The following DAO variants were observed in gnomAD, a reference collection of about 807,000 sequenced individuals.
DAO encodes D-amino acid oxidase.
A neutral mutation model predicts 50.1 loss-of-function variants in DAO; 51 were observed. That is an observed-to-expected ratio of 1.02 (90% CI 0.81 to 1.29). The LOEUF (loss-of-function observed/expected upper bound fraction) is 1.29. Ranked by LOEUF, DAO falls within the 50% of genes most tolerant of loss-of-function variation. The pLI is 0.00. For missense variants in DAO, 436 were observed against 439.4 expected, an observed-to-expected ratio of 0.99 and a Z score of 0.07; for synonymous variants, 160 against 166.2, an observed-to-expected ratio of 0.96 and a Z score of 0.29.
chr12:108,893,177 A>T, intron 6 of DAO, 141 bp downstream of exon 6: 1 of 737,016 alleles, frequency 1.4e-6, no homozygotes, highest in South Asian at 1.5e-5. Context: ...AGAAGCACTC[A>T]GGTATTCTGA....
At chr12:108,881,045 A>G (rs528862270) in intron 1 of DAO, among the ~76,000 whole-genome samples, 1 of 152,140 alleles carries the variant, frequency 6.6e-6, no homozygotes, top group East Asian at 1.9e-4. Flanking sequence ...TACTTCCTAG[A>G]GCAGTTGAGA....
chr12:108,899,762 C>T (rs1380277642), intron 10 of DAO: 2 of 475,714 alleles, frequency 4.2e-6, no homozygotes, highest in Non-Finnish European at 7.8e-6. Flanking sequence ...GTAGCTGGTG[C>T]TGATGGAAAT....
Position 108,880,128 on chromosome 12 carries a change from A to G in DAO, c.-106A>G, listed in dbSNP as rs779133446. 1.1e-5 allele frequency: 5 copies of G among 456,612 alleles called. No homozygotes were observed. The highest frequency in any genetic ancestry group is 2.2e-5 in the Non-Finnish European group (5 of 226,974). The allele number at this position is 456,612 out of a possible 1,614,324, so 28.3% of individuals were successfully genotyped here. A position where few individuals can be genotyped will look rare whatever the true frequency, so the allele number is the denominator to read the frequency against. On this transcript the variant is annotated 5_prime_UTR_variant, in exon 1 of 11. Transcript: ENST00000228476. Reference sequence around the variant, plus strand: ...CGGGCTGGCGGACAGAGGGCTGGAAACAAGACGCTCCAGAATCAGGAGCTT... The same window carrying G: ...CGGGCTGGCGGACAGAGGGCTGGAAGCAAGACGCTCCAGAATCAGGAGCTT...
At chr12:108,893,952 T>A (rs11830725) in intron 6 of DAO, among the ~76,000 whole-genome samples, 1 of 152,172 alleles carries the variant, frequency 6.6e-6, no homozygotes, top group South Asian at 2.1e-4. Context: ...TCCAAAGAAC[T>A]GTTTTACAAC....
Position 108,899,415 on chromosome 12 carries a change from A to G in DAO, c.852A>G (p.Pro284=). 2 of 1,613,900 alleles carry G rather than the reference A, an allele frequency of 1.2e-6. No homozygotes were observed. Among genetic ancestry groups the G allele is most frequent in the Non-Finnish European group, 1.7e-6 (2 of 1,179,922 alleles). Residue 284 remains proline, a synonymous_variant, in exon 10 of 11, where the codon CCA becomes CCG. Transcript: ENST00000228476. ...TTGGTGAACGAACTGGCTTCCGGCC[A>G]GTACGCCCCCAGATTCGGCTAGAAA... ...RIIGERTGFR[P]VRPQIRLERE...
At chr12:108,890,357 A>G (rs904794360) in intron 5 of DAO, 84 bp downstream of exon 5, 5 of 1,046,870 alleles carry the variant, frequency 4.8e-6, no homozygotes, top group Non-Finnish European at 7.5e-6. Context: ...TTCCCTCAGC[A>G]TGGACTAACC....
chr12:108,880,804 G>T (rs1034281941), intron 1 of DAO, among the ~76,000 whole-genome samples: 1 of 151,970 alleles, frequency 6.6e-6, no homozygotes, highest in South Asian at 2.1e-4. Flanking sequence ...CCTTCTAGGG[G>T]ACAAGGGAGG....
At chr12:108,892,691 G>C (rs377279912) in intron 5 of DAO, among the ~76,000 whole-genome samples, 2 of 152,162 alleles carry the variant, frequency 1.3e-5, no homozygotes, top group East Asian at 3.9e-4. Context: ...CTGGGTTTGA[G>C]TTCCAACTCC....
intron 7 of DAO, among the ~76,000 whole-genome samples, chr12:108,896,144 C>T (rs1297332052): frequency 3.3e-5 from 5 of 151,894 alleles, no homozygotes; most frequent in Admixed American, 3.3e-4. Context: ...AAGGTTTGGG[C>T]CAGGCGTGGT....
chr12:108,898,592 A>AGAGGTG, intron 8 of DAO, 87 bp from the exon 9 acceptor site: 1 of 887,354 alleles, frequency 1.1e-6, no homozygotes, highest in Non-Finnish European at 1.9e-6. Context: ...TGGTGTTAGC[A>AGAGGTG]GAGGTGACAA....
chr12:108,881,602 T>TTTTTC lies in DAO; in HGVS notation c.-10+1382_-10+1383insCTTTT, dbSNP rs1491334656. On this transcript the variant is annotated intron_variant, in intron 1 of 10. Transcript: ENST00000228476. ...GGACTCACACTTTTTTCCTTTTAAA[T>TTTTTC]TTTTTTTTTTTTTTTTTTTTTGACA... 9.9e-3 allele frequency among the ~76,000 whole-genome samples: 276 copies of TTTTTC among 27,820 alleles called. 11 individuals are homozygous for TTTTTC. Among genetic ancestry groups the TTTTTC allele is most frequent in the African/African-American group, 0.019 (198 of 10,386 alleles). The allele number at this position is 27,820 out of a possible 152,430, so 18.3% of individuals were successfully genotyped here.
intron 8 of DAO, among the ~76,000 whole-genome samples, chr12:108,897,642 G>A (rs944260710): frequency 6.6e-6 from 1 of 151,984 alleles, no homozygotes; most frequent in Middle Eastern, 3.2e-3. Flanking sequence ...CAAAGGCAGT[G>A]GATGTAATGT....
chr12:108,885,177 T>A lies in DAO; in HGVS notation c.171T>A (p.Ser57=), dbSNP rs1487846765. 1 of 1,613,470 alleles carries A rather than the reference T, an allele frequency of 6.2e-7. No individual in the cohort carries two copies. The highest frequency in any genetic ancestry group is 1.3e-5 in the African/African-American group (1 of 75,040). Residue 57 remains serine (S), a synonymous_variant, in exon 2 of 11, where the codon TCT becomes TCA. Transcript: ENST00000228476. ...CCGGCCTCTGGCAGCCCTACCTTTC[T>A]GACCCCAACAACCCACAGGAGGCGT... ...VAAGLWQPYL[S]DPNNPQEADW... is the part of the protein sequence containing the mutation.
chr12:108,890,104 C>G (rs1856037596), intron 4 of DAO, 104 bp from the exon 5 acceptor site: 1 of 999,794 alleles, frequency 1.0e-6, no homozygotes. Flanking sequence ...TGGCACTACC[C>G]TTTGGGCCCA....
chr12:108,883,363 G>T (rs565776380), intron 1 of DAO, among the ~76,000 whole-genome samples: 80 of 152,314 alleles, frequency 5.3e-4, no homozygotes, highest in African/African-American at 1.8e-3. Flanking sequence ...GGCCAGACTG[G>T]TCTTGAAGTC....
intron 10 of DAO, chr12:108,900,109 G>A: frequency 2.5e-6 from 1 of 402,188 alleles, no homozygotes; most frequent in Non-Finnish European, 4.7e-6. Flanking sequence ...GGTGAATTAA[G>A]AGGTGAAGTC....
intron 10 of DAO, chr12:108,900,153 G>A: frequency 2.2e-6 from 1 of 462,920 alleles, no homozygotes; most frequent in Non-Finnish European, 4.0e-6. Context: ...TGGAAGGCAG[G>A]GCTGGGATGT....
intron 2 of DAO, among the ~76,000 whole-genome samples, chr12:108,886,364 TG>T (rs112327071): frequency 0.014 from 2,111 of 152,032 alleles, 43 homozygotes; most frequent in African/African-American, 0.046. Context: ...TCTAAGTGGG[TG>T]GATGGATGCA....
At chr12:108,893,735 G>A (rs944403988) in intron 6 of DAO, among the ~76,000 whole-genome samples, 2 of 152,168 alleles carry the variant, frequency 1.3e-5, no homozygotes. Flanking sequence ...ACTGGGGCTG[G>A]GTTGGGGAGC....
Sources: gnomAD v4.1 joint callset for allele counts (sites outside exome capture counted in the v4.1 genomes callset) on GRCh38, gnomAD v4.1.1 for gene constraint, MANE v1.5 for transcripts, NCBI Gene and HGNC (gene_info 2026-07-23, HGNC 2026-07-21) for gene names.